The following ATP8B4 variants were observed in gnomAD, a reference collection of about 807,000 sequenced individuals.
The protein encoded by ATP8B4 is ATPase phospholipid transporting 8B4 (putative).
Under a neutral mutation model 145.6 loss-of-function variants are expected in ATP8B4, and 133 were observed. The observed-to-expected ratio is 0.91, with a 90% confidence interval of 0.79 to 1.05. The LOEUF (loss-of-function observed/expected upper bound fraction) is 1.05. Among genes scored for constraint, ATP8B4 ranks in the 50% least tolerant of loss-of-function variants. The pLI, the probability that ATP8B4 is intolerant of heterozygous loss-of-function variation, is 0.00. For synonymous variants in ATP8B4, 507 were observed against 492.9 expected (o/e 1.03, Z -0.38); for missense variants, 1,458 against 1,425.2 (o/e 1.02, Z -0.37).
chr15:50,111,686 T>C (rs546061525), intron 1 of ATP8B4, among the ~76,000 whole-genome samples: 2 of 152,326 alleles, frequency 1.3e-5, no homozygotes, highest in South Asian at 4.1e-4. Flanking sequence ...CTGGGGCAAA[T>C]AAGCTCTGTA....
intron 13 of ATP8B4, among the ~76,000 whole-genome samples, chr15:49,965,048 T>C (rs2044404061): frequency 6.6e-6 from 1 of 152,234 alleles, no homozygotes; most frequent in Non-Finnish European, 1.5e-5. Context: ...TTCTATGTTA[T>C]TTACCAGTCA....
intron 3 of ATP8B4, among the ~76,000 whole-genome samples, chr15:50,066,723 T>C (rs1178387738): frequency 6.6e-6 from 1 of 152,228 alleles, no homozygotes; most frequent in Non-Finnish European, 1.5e-5. Context: ...TTTTATACTG[T>C]TTCTCTTCTC....
intron 12 of ATP8B4, among the ~76,000 whole-genome samples, chr15:49,977,235 G>A (rs771448714): frequency 1.4e-4 from 21 of 152,092 alleles, no homozygotes; most frequent in East Asian, 7.7e-4. Context: ...TCATCATTCC[G>A]GACAGAAATA....
intron 3 of ATP8B4, among the ~76,000 whole-genome samples, chr15:50,070,498 A>T (rs1240144390): frequency 6.6e-6 from 1 of 152,206 alleles, no homozygotes; most frequent in Non-Finnish European, 1.5e-5. Flanking sequence ...CTGCATGGCC[A>T]GGCATCCTTT....
chr15:49,968,210 G>C (rs1378618954), intron 13 of ATP8B4, among the ~76,000 whole-genome samples: 2 of 152,170 alleles, frequency 1.3e-5, no homozygotes, highest in East Asian at 3.9e-4. Flanking sequence ...TGAAGAAACT[G>C]CATCAACTAA....
At chr15:50,170,923 A>C (rs893246637) in intron 1 of ATP8B4, among the ~76,000 whole-genome samples, 2 of 152,232 alleles carry the variant, frequency 1.3e-5, no homozygotes, top group African/African-American at 2.4e-5. Context: ...TATATCAGAC[A>C]AAACAAACTT....
At chr15:50,025,304 G>A (rs997662769) in intron 6 of ATP8B4, among the ~76,000 whole-genome samples, 1 of 152,168 alleles carries the variant, frequency 6.6e-6, no homozygotes, top group Non-Finnish European at 1.5e-5. Flanking sequence ...TCTCTGTTAT[G>A]AGGAAAAAGA....
At position 49,928,373 on chromosome 15, in the gene ATP8B4, A is replaced by AGGAGAACAGCATGTCCAAAGG. The variant is rs1177890515; in HGVS notation, c.1642+2725_1642+2745dup. Among the ~76,000 whole-genome samples, 8 of 152,258 alleles carry AGGAGAACAGCATGTCCAAAGG rather than the reference A, an allele frequency of 5.3e-5. No homozygotes were observed. In the East Asian group the frequency reaches 1.5e-3, roughly 29 times the overall value. ...AGTGGGGGAAAGGAGTATTCAAGACAGGAGAACAGCATGTCCAAAGGGTAT... is the reference window on the plus strand; with the variant it reads ...AGTGGGGGAAAGGAGTATTCAAGACAGGAGAACAGCATGTCCAAAGGGGAGAACAGCATGTCCAAAGGGTAT... On this transcript the variant is annotated intron_variant, in intron 16 of 27. Transcript: ENST00000284509.
At chr15:49,862,774 G>T (rs1431471045) in intron 26 of ATP8B4, among the ~76,000 whole-genome samples, 2 of 152,072 alleles carry the variant, frequency 1.3e-5, no homozygotes, top group East Asian at 3.9e-4. Context: ...TTTCAATGGT[G>T]AGATTTGGAT....
At chr15:49,862,421 TG>T (rs1393643330) in intron 26 of ATP8B4, 46 bp from the exon 27 acceptor site, 6 of 1,578,972 alleles carry the variant, frequency 3.8e-6, no homozygotes, top group Non-Finnish European at 3.4e-6. Flanking sequence ...CAAGTAGGAC[TG>T]AATTATTAAT....
intron 1 of ATP8B4, among the ~76,000 whole-genome samples, chr15:50,125,002 G>A (rs2057298044): frequency 6.6e-6 from 1 of 152,222 alleles, no homozygotes; most frequent in African/African-American, 2.4e-5. Flanking sequence ...GCATCAGCAA[G>A]AGAAACACTC....
At chr15:50,008,178 G>A (rs1416128555) in intron 7 of ATP8B4, among the ~76,000 whole-genome samples, 3 of 152,112 alleles carry the variant, frequency 2.0e-5, no homozygotes, top group Non-Finnish European at 2.9e-5. Context: ...AATTGATAGC[G>A]TGGAAGAGCA....
intron 1 of ATP8B4, among the ~76,000 whole-genome samples, chr15:50,128,015 A>G (rs2057318587): frequency 6.6e-6 from 1 of 152,104 alleles, no homozygotes; most frequent in Non-Finnish European, 1.5e-5. Flanking sequence ...GTGCAACCCC[A>G]TGTTTCTGTG....
intron 4 of ATP8B4, among the ~76,000 whole-genome samples, chr15:50,046,366 G>A (rs1281208933): frequency 6.6e-6 from 1 of 151,964 alleles, no homozygotes; most frequent in African/African-American, 2.4e-5. Flanking sequence ...ACCAAGTAGA[G>A]GGCCTACCTA....
chr15:49,894,690 C>CA (rs927040740), intron 23 of ATP8B4, among the ~76,000 whole-genome samples: 1 of 152,188 alleles, frequency 6.6e-6, no homozygotes, highest in African/African-American at 2.4e-5. Flanking sequence ...CCCTTTGCCA[C>CA]AGTGGTGATC....
In ATP8B4 at chr15:50,133,884, G is replaced by A. The variant is rs571533272; in HGVS notation, c.-42-26876C>T. On this transcript the variant is annotated intron_variant, in intron 1 of 3. Transcript: ENST00000558829. Reference sequence around the variant, plus strand: ...GGTATGGTGGTTCATGCATGGAATCGCAACACTTTGGGAGGCCAAGGCAGG... The same window carrying A: ...GGTATGGTGGTTCATGCATGGAATCACAACACTTTGGGAGGCCAAGGCAGG... 7.2e-5 allele frequency among the ~76,000 whole-genome samples: 11 copies of A among 152,060 alleles called. No individual in the cohort carries two copies. The East Asian group carries it at 1.2e-3, about 16-fold the overall frequency.
rs542297348 is a variant in ATP8B4, at chr15:50,103,681, C to A, written c.28+3258G>T. On this transcript the variant is annotated intron_variant, in intron 2 of 27. Coordinates refer to ENST00000284509, the MANE Select transcript of ATP8B4 (RefSeq NM_024837.4). ...CCAAAAGCAATCTACAAATTCAATGCAATTCCCATCAAAATACCAACATCA... is the reference window on the plus strand; with the variant it reads ...CCAAAAGCAATCTACAAATTCAATGAAATTCCCATCAAAATACCAACATCA... 3.7e-4 allele frequency among the ~76,000 whole-genome samples: 56 copies of A among 152,200 alleles called. 1 individual carries two copies. Among genetic ancestry groups the A allele is most frequent in the African/African-American group, 1.3e-3 (56 of 41,522 alleles).
intron 14 of ATP8B4, among the ~76,000 whole-genome samples, chr15:49,936,880 T>C (rs1489739644): frequency 1.3e-5 from 2 of 152,040 alleles, no homozygotes; most frequent in Non-Finnish European, 2.9e-5. Flanking sequence ...TCTCTTGACT[T>C]AATCTTCCAG....
intron 21 of ATP8B4, among the ~76,000 whole-genome samples, chr15:49,898,577 T>C (rs1199699196): frequency 6.6e-6 from 1 of 152,214 alleles, no homozygotes; most frequent in East Asian, 1.9e-4. Context: ...CCATTAAAAT[T>C]GATGAAAACA....
Sources: allele counts gnomAD v4.1 joint callset (sites outside exome capture counted in the v4.1 genomes callset), GRCh38; gene constraint gnomAD v4.1.1; transcripts MANE v1.5; gene names NCBI Gene and HGNC (gene_info 2026-07-23, HGNC 2026-07-21).